The following GPHN variants were observed in gnomAD, a reference collection of about 807,000 sequenced individuals.
The protein encoded by GPHN is gephyrin.
Under a neutral mutation model 95.5 loss-of-function variants are expected in GPHN, and 17 were observed. The observed-to-expected ratio is 0.18, with a 90% confidence interval of 0.12 to 0.27. The LOEUF is 0.27. Ranked by LOEUF, GPHN falls within the 10% of genes least tolerant of loss-of-function variation. The pLI is 1.00. For missense variants in GPHN, 660 were observed against 978.1 expected, an observed-to-expected ratio of 0.67 and a Z score of 4.34; for synonymous variants, 320 against 322.5, an observed-to-expected ratio of 0.99 and a Z score of 0.08.
At chr14:67,415,677 T>C in the GPHN span, among the ~76,000 whole-genome samples, 1 of 152,196 alleles carries the variant, frequency 6.6e-6, no homozygotes, top group Non-Finnish European at 1.5e-5. Flanking sequence ...TACATGCATG[T>C]GTATGTTCAT....
intron 3 of GPHN, among the ~76,000 whole-genome samples, chr14:66,809,647 C>CT (rs1159921130): frequency 6.6e-6 from 1 of 152,152 alleles, no homozygotes; most frequent in Non-Finnish European, 1.5e-5. Flanking sequence ...AACTGGAAAT[C>CT]TATTTGCTCC....
chr14:67,258,558 A>T, the GPHN span, among the ~76,000 whole-genome samples: 2 of 152,108 alleles, frequency 1.3e-5, no homozygotes, highest in African/African-American at 4.8e-5. Flanking sequence ...AGTAGCTGGG[A>T]CTATAGGCAC....
chr14:67,412,385 G>T, the GPHN span, among the ~76,000 whole-genome samples: 3 of 152,172 alleles, frequency 2.0e-5, no homozygotes, highest in African/African-American at 7.2e-5. Flanking sequence ...AGCGTCCTTC[G>T]CCAGGTGCTT....
chr14:66,737,704 T>G (rs2072418672), intron 2 of GPHN, among the ~76,000 whole-genome samples: 1 of 152,182 alleles, frequency 6.6e-6, no homozygotes, highest in South Asian at 2.1e-4. Context: ...CCAGAACTCT[T>G]TCCTTTTCTG....
the GPHN span, among the ~76,000 whole-genome samples, chr14:67,502,399 C>T: frequency 2.7e-5 from 4 of 149,500 alleles, no homozygotes; most frequent in African/African-American, 9.8e-5. Context: ...TTGTTATAAA[C>T]TTGTGCTGAA....
At chr14:66,534,221 ACT>A (rs1434347152) in intron 1 of GPHN, among the ~76,000 whole-genome samples, 2 of 152,178 alleles carry the variant, frequency 1.3e-5, no homozygotes, top group Non-Finnish European at 2.9e-5. Flanking sequence ...TACAATTAAC[ACT>A]CAGATCAAGA....
At chr14:67,510,485 G>A in the GPHN span, among the ~76,000 whole-genome samples, 1 of 152,204 alleles carries the variant, frequency 6.6e-6, no homozygotes. Flanking sequence ...GTTAGAAACT[G>A]TGCAGGCTAT....
chr14:66,685,263 C>T (rs2067267939), intron 2 of GPHN, among the ~76,000 whole-genome samples: 1 of 152,124 alleles, frequency 6.6e-6, no homozygotes, highest in African/African-American at 2.4e-5. Context: ...TGGGTATATA[C>T]CCAGTAATGG....
At chr14:66,712,826 A>G (rs2069786594) in intron 2 of GPHN, among the ~76,000 whole-genome samples, 1 of 151,954 alleles carries the variant, frequency 6.6e-6, no homozygotes, top group Non-Finnish European at 1.5e-5. Context: ...TGGTTTTTTG[A>G]TTATGGCCAT....
At chr14:67,660,051 T>C in the GPHN span, 1 of 959,268 alleles carries the variant, frequency 1.0e-6, no homozygotes, top group Non-Finnish European at 1.5e-6. Context: ...ATATGCTCCA[T>C]GAGGCAGGGA....
At chr14:67,100,234 C>G (rs1434289092) in intron 12 of GPHN, among the ~76,000 whole-genome samples, 1 of 152,118 alleles carries the variant, frequency 6.6e-6, no homozygotes, top group African/African-American at 2.4e-5. Context: ...TACCATTAAC[C>G]AGAAATTGTT....
At chr14:67,724,088 G>A in the GPHN span, among the ~76,000 whole-genome samples, 5 of 151,818 alleles carry the variant, frequency 3.3e-5, no homozygotes, top group Middle Eastern at 3.4e-3. Flanking sequence ...TATTGACTCC[G>A]CTAATGTTTA....
At chr14:66,735,887 TA>T (rs2072217563) in intron 2 of GPHN, among the ~76,000 whole-genome samples, 1 of 152,182 alleles carries the variant, frequency 6.6e-6, no homozygotes, top group Non-Finnish European at 1.5e-5. Flanking sequence ...ACATTATTTT[TA>T]TTTCTTGTTT....
chr14:67,457,497 T>C, the GPHN span, among the ~76,000 whole-genome samples: 1 of 152,098 alleles, frequency 6.6e-6, no homozygotes, highest in African/African-American at 2.4e-5. Flanking sequence ...CCCAGCTACT[T>C]AGGAGGCTGA....
At chr14:67,600,705 G>A in the GPHN span, among the ~76,000 whole-genome samples, 1 of 152,124 alleles carries the variant, frequency 6.6e-6, no homozygotes, top group African/African-American at 2.4e-5. Flanking sequence ...TAAGCCTCCT[G>A]AGTAGCTGGG....
the GPHN span, among the ~76,000 whole-genome samples, chr14:67,505,208 A>G: frequency 6.6e-6 from 1 of 152,136 alleles, no homozygotes; most frequent in African/African-American, 2.4e-5. Flanking sequence ...AGAGGGTCAG[A>G]ATGGGCAGAG....
intron 2 of GPHN, among the ~76,000 whole-genome samples, chr14:66,695,272 T>C (rs2068041288): frequency 6.6e-6 from 1 of 152,172 alleles, no homozygotes; most frequent in Non-Finnish European, 1.5e-5. Context: ...AATAAGTATA[T>C]AAAAAGATGT....
At chr14:66,895,942 G>T (rs1246186301) in intron 5 of GPHN, among the ~76,000 whole-genome samples, 1 of 152,122 alleles carries the variant, frequency 6.6e-6, no homozygotes, top group Non-Finnish European at 1.5e-5. Context: ...ATAAACAACA[G>T]AAATTTATTG....
intron 10 of GPHN, among the ~76,000 whole-genome samples, chr14:67,040,152 A>T (rs1303285406): frequency 6.6e-6 from 1 of 152,162 alleles, no homozygotes; most frequent in Non-Finnish European, 1.5e-5. Flanking sequence ...GAGACTATTG[A>T]TGAAAGTGAT....
Sources: allele counts gnomAD v4.1 joint callset (sites outside exome capture counted in the v4.1 genomes callset), GRCh38; gene constraint gnomAD v4.1.1; transcripts MANE v1.5; gene names NCBI Gene and HGNC (gene_info 2026-07-23, HGNC 2026-07-21).